The following TXLNB variants were observed in gnomAD, a reference collection of about 807,000 sequenced individuals.
The protein encoded by TXLNB is beta-taxilin.
A neutral mutation model predicts 57.4 loss-of-function variants in TXLNB; 37 were observed. That is an observed-to-expected ratio of 0.64 (90% CI 0.50 to 0.85). The LOEUF is 0.85. Ranked by LOEUF, TXLNB falls within the 40% of genes least tolerant of loss-of-function variation. TXLNB has a pLI of 0.00. For missense variants in TXLNB, 848 were observed against 825.6 expected, an observed-to-expected ratio of 1.03 and a Z score of -0.33; for synonymous variants, 302 against 309.6, an observed-to-expected ratio of 0.98 and a Z score of 0.26.
the TXLNB span, among the ~76,000 whole-genome samples, chr6:139,206,095 G>C: frequency 6.6e-6 from 1 of 152,166 alleles, no homozygotes; most frequent in Non-Finnish European, 1.5e-5. Flanking sequence ...AAATGAAGGA[G>C]AGATAAAGTC....
the TXLNB span, among the ~76,000 whole-genome samples, chr6:139,297,447 A>G: frequency 0.012 from 1,796 of 152,308 alleles, 19 homozygotes; most frequent in Admixed American, 0.031. Flanking sequence ...GGCAGGGGTA[A>G]ACTAAATGAT....
intron 1 of TXLNB, among the ~76,000 whole-genome samples, chr6:139,290,611 C>T (rs1238250972): frequency 1.3e-5 from 2 of 152,026 alleles, no homozygotes; most frequent in Admixed American, 6.6e-5. Flanking sequence ...ATAATAAGGG[C>T]CCTTAGGAAA....
intron 3 of TXLNB, 128 bp from the exon 4 acceptor site, chr6:139,270,754 T>C (rs62441202): frequency 0.085 from 64,732 of 757,980 alleles, 3,299 homozygotes; most frequent in Non-Finnish European, 0.1. Flanking sequence ...TCTCTTCCTC[T>C]GGAAGTAAAT....
the TXLNB span, among the ~76,000 whole-genome samples, chr6:139,192,507 G>T: frequency 1.3e-5 from 2 of 152,120 alleles, no homozygotes; most frequent in Non-Finnish European, 2.9e-5. Context: ...TTGATTTGGG[G>T]GAGTCTATTT....
At chr6:139,205,279 C>T in the TXLNB span, among the ~76,000 whole-genome samples, 295 of 152,234 alleles carry the variant, frequency 1.9e-3, no homozygotes, top group African/African-American at 7.0e-3. Context: ...AGGCATGCAC[C>T]ACCACACCTG....
At chr6:139,262,061 G>A (rs903689438) in intron 5 of TXLNB, among the ~76,000 whole-genome samples, 4 of 150,468 alleles carry the variant, frequency 2.7e-5, no homozygotes, top group South Asian at 2.1e-4. Context: ...CCACCACCAC[G>A]CCTGGCTAAT....
rs572423983 is a variant in TXLNB at position 139,266,824 on chromosome 6, C to T, written c.687+3632G>A. Reference sequence around the variant, plus strand: ...CTTAAAGCAGTAAAAGTTCTGAAAACGAAAGATCAATACAAAGACCTTGAA... The same window carrying T: ...CTTAAAGCAGTAAAAGTTCTGAAAATGAAAGATCAATACAAAGACCTTGAA... On this transcript the variant is annotated intron_variant, in intron 4 of 9. Transcript: ENST00000358430. 4.0e-5 allele frequency among the ~76,000 whole-genome samples: 6 copies of T among 151,406 alleles called. No individual in the cohort carries two copies. The South Asian group carries it at 6.3e-4, about 16-fold the overall frequency.
At chr6:139,181,538 T>G in the TXLNB span, among the ~76,000 whole-genome samples, 2 of 152,216 alleles carry the variant, frequency 1.3e-5, no homozygotes, top group Admixed American at 1.3e-4. Flanking sequence ...GTCACCTTTA[T>G]TTTACCCAAA....
At chr6:139,193,920 C>A in the TXLNB span, among the ~76,000 whole-genome samples, 1 of 147,544 alleles carries the variant, frequency 6.8e-6, no homozygotes, top group Non-Finnish European at 1.5e-5. Flanking sequence ...CGGCTCACTG[C>A]AAGCTCCACC....
chr6:139,323,775 G>C, the TXLNB span, among the ~76,000 whole-genome samples: 2 of 152,032 alleles, frequency 1.3e-5, no homozygotes, highest in Non-Finnish European at 2.9e-5. Flanking sequence ...CGTTTTTCCG[G>C]GGCCCTAGTT....
the TXLNB span, among the ~76,000 whole-genome samples, chr6:139,210,631 G>A: frequency 6.6e-6 from 1 of 152,226 alleles, no homozygotes; most frequent in Non-Finnish European, 1.5e-5. Context: ...CCGGACAGTG[G>A]GTGAAGGACA....
the TXLNB span, among the ~76,000 whole-genome samples, chr6:139,228,102 CTT>C: frequency 6.6e-6 from 1 of 152,206 alleles, no homozygotes; most frequent in Non-Finnish European, 1.5e-5. Context: ...ATTTAGACCT[CTT>C]TTCTTTTGGT....
At chr6:139,268,517 C>T (rs1325490242) in intron 4 of TXLNB, among the ~76,000 whole-genome samples, 1 of 152,084 alleles carries the variant, frequency 6.6e-6, no homozygotes, top group Non-Finnish European at 1.5e-5. Flanking sequence ...TCTAAATAAT[C>T]CCTGGGTCAA....
At chr6:139,255,476 AG>A in intron 7 of TXLNB, 87 bp downstream of exon 7, 1 of 1,005,666 alleles carries the variant, frequency 9.9e-7, no homozygotes, top group Non-Finnish European at 1.6e-6. Context: ...GCCACATAGG[AG>A]GACTTCTGCT....
chr6:139,198,319 C>T, the TXLNB span, among the ~76,000 whole-genome samples: 1 of 151,910 alleles, frequency 6.6e-6, no homozygotes, highest in South Asian at 2.1e-4. Context: ...AGAGGCCCTA[C>T]TCAACTGGAA....
the TXLNB span, among the ~76,000 whole-genome samples, chr6:139,199,043 G>A: frequency 4.0e-5 from 6 of 149,522 alleles, no homozygotes; most frequent in Non-Finnish European, 5.9e-5. Flanking sequence ...ATCCCCAACC[G>A]ATAAAGGTTC....
Position 139,288,795 on chromosome 6 carries a change from G to A in TXLNB, c.105C>T (p.Gly35=), listed in dbSNP as rs544485819. The A allele has an allele frequency of 1.1e-4, 174 of 1,614,038 alleles. No individual in the cohort carries two copies. The highest frequency in any genetic ancestry group is 1.5e-4 in the Non-Finnish European group (172 of 1,180,026). ...GTTGGACTGGGGTTGGAGAATCCTGGCCATCTTCCTTCTCCAGGCCATTGT... is the reference window on the plus strand; with the variant it reads ...GTTGGACTGGGGTTGGAGAATCCTGACCATCTTCCTTCTCCAGGCCATTGT... ...PSHNGLEKED[G]QDSPTPVQPP... The change falls in exon 2 of 10, where the codon GGC becomes GGT. Residue 35 remains glycine, a synonymous_variant. Transcript: ENST00000358430.
At chr6:139,174,051 A>T in the TXLNB span, among the ~76,000 whole-genome samples, 2 of 152,198 alleles carry the variant, frequency 1.3e-5, no homozygotes, top group African/African-American at 4.8e-5. Context: ...GTCCTGCGTG[A>T]ATACAGTACA....
the TXLNB span, among the ~76,000 whole-genome samples, chr6:139,300,256 C>G: frequency 1.3e-5 from 2 of 152,200 alleles, no homozygotes; most frequent in Non-Finnish European, 2.9e-5. Flanking sequence ...TCTTGCAATG[C>G]AGTTCTTATC....
Sources: allele counts gnomAD v4.1 joint callset (sites outside exome capture counted in the v4.1 genomes callset), GRCh38; gene constraint gnomAD v4.1.1; transcripts MANE v1.5; gene names NCBI Gene and HGNC (gene_info 2026-07-23, HGNC 2026-07-21).